The following SGMS2 variants were observed in gnomAD, a reference collection of about 807,000 sequenced individuals.
SGMS2 encodes the protein sphingomyelin synthase 2.
SGMS2 carries 21 observed loss-of-function variants against 43.8 expected under a neutral mutation model. The observed-to-expected ratio is 0.48, with a 90% CI of 0.34 to 0.69. The LOEUF (loss-of-function observed/expected upper bound fraction) is 0.69, where lower values mean the gene tolerates loss of function less well. SGMS2 is among the 30% of genes least tolerant of loss of function. The pLI is 0.01. For missense variants in SGMS2, 384 were observed against 443.2 expected (o/e 0.87, Z 1.20); for synonymous variants, 167 against 160.6 (o/e 1.04, Z -0.30).
At chr4:107,835,277 G>T (rs909615451) in intron 1 of SGMS2, among the ~76,000 whole-genome samples, 7 of 152,230 alleles carry the variant, frequency 4.6e-5, no homozygotes, top group Non-Finnish European at 1.0e-4. Flanking sequence ...GGAAGAGATT[G>T]TCTTGTGTAG....
chr4:107,859,480 G>A (rs1048144856), intron 2 of SGMS2, among the ~76,000 whole-genome samples: 1 of 152,148 alleles, frequency 6.6e-6, no homozygotes, highest in Admixed American at 6.5e-5. Context: ...TGCCTACTTT[G>A]AGCTGGCACT....
At chr4:107,828,126 A>T (rs1242669066) in intron 1 of SGMS2, among the ~76,000 whole-genome samples, 1 of 152,198 alleles carries the variant, frequency 6.6e-6, no homozygotes, top group Non-Finnish European at 1.5e-5. Flanking sequence ...TACTTATGGA[A>T]ATTTATAAGT....
In SGMS2 at chr4:107,909,026, G is replaced by C. The variant is rs115719162; in HGVS notation, c.894+295G>C. On this transcript the variant is annotated intron_variant, in intron 6 of 6. Transcript: ENST00000690982. ...AAATTTAGGAACCTTCTCTGTAAAA[G>C]CATTGTAGTGCAGCTGGGTAAGACA... 1.1e-3 allele frequency among the ~76,000 whole-genome samples: 161 copies of C among 152,094 alleles called. 2 individuals are homozygous for C. In the East Asian group the frequency reaches 0.024, roughly 23 times the overall value.
intron 1 of SGMS2, among the ~76,000 whole-genome samples, chr4:107,842,189 TA>T (rs780247487): frequency 1.3e-5 from 2 of 152,152 alleles, no homozygotes; most frequent in Non-Finnish European, 1.5e-5. Flanking sequence ...TGCATTGCCA[TA>T]AAGAAATACC....
At chr4:107,839,273 C>T (rs1315273893) in intron 1 of SGMS2, among the ~76,000 whole-genome samples, 1 of 152,140 alleles carries the variant, frequency 6.6e-6, no homozygotes, top group Middle Eastern at 3.2e-3. Context: ...GTTCTATTTG[C>T]CTGGTAATAG....
chr4:107,899,292 A>G (rs1034064073), intron 3 of SGMS2, among the ~76,000 whole-genome samples: 1 of 152,154 alleles, frequency 6.6e-6, no homozygotes, highest in Admixed American at 6.6e-5. Flanking sequence ...CGTCTACTTT[A>G]GTTCCCCCAC....
intron 2 of SGMS2, chr4:107,863,786 CAGTA>C (rs1193311427): frequency 6.6e-6 from 1 of 152,146 alleles, no homozygotes; most frequent in Admixed American, 6.5e-5. Context: ...AAGTAAACCA[CAGTA>C]AGTCAGATGA....
intron 1 of SGMS2, among the ~76,000 whole-genome samples, chr4:107,831,917 C>T (rs576295990): frequency 6.6e-6 from 1 of 152,268 alleles, no homozygotes; most frequent in African/African-American, 2.4e-5. Context: ...GGTAGTCTAG[C>T]ACAACTGGTA....
At chr4:107,855,319 T>G (rs1480245696) in intron 1 of SGMS2, among the ~76,000 whole-genome samples, 1 of 152,186 alleles carries the variant, frequency 6.6e-6, no homozygotes, top group Non-Finnish European at 1.5e-5. Flanking sequence ...GTTTTCGATG[T>G]AGGCATATGG....
At chr4:107,870,181 G>A (rs553060137) in intron 2 of SGMS2, among the ~76,000 whole-genome samples, 3 of 152,256 alleles carry the variant, frequency 2.0e-5, no homozygotes, top group Non-Finnish European at 4.4e-5. Flanking sequence ...TAGCTTTTTA[G>A]TGGATGGATT....
intron 1 of SGMS2, among the ~76,000 whole-genome samples, chr4:107,827,772 C>T (rs1194412489): frequency 6.6e-6 from 1 of 152,060 alleles, no homozygotes. Flanking sequence ...GATCACTTGA[C>T]GTCAGAAGTT....
chr4:107,843,787 T>C (rs1578514440), intron 1 of SGMS2, among the ~76,000 whole-genome samples: 1 of 152,242 alleles, frequency 6.6e-6, no homozygotes, highest in East Asian at 1.9e-4. Context: ...CATTGAATTC[T>C]AGATGTAATT....
intron 1 of SGMS2, among the ~76,000 whole-genome samples, chr4:107,840,837 T>C (rs1261147292): frequency 6.6e-6 from 1 of 152,176 alleles, no homozygotes; most frequent in East Asian, 1.9e-4. Context: ...GGAGGCCATC[T>C]TTCAGGGTTA....
intron 1 of SGMS2, among the ~76,000 whole-genome samples, chr4:107,857,379 AAG>A (rs1026535787): frequency 3.9e-4 from 60 of 152,150 alleles, no homozygotes; most frequent in East Asian, 3.9e-4. Flanking sequence ...GTATATACCT[AAG>A]AGTGACACAT....
intron 4 of SGMS2, among the ~76,000 whole-genome samples, chr4:107,901,427 T>A (rs368760744): frequency 1.3e-5 from 2 of 152,224 alleles, no homozygotes; most frequent in African/African-American, 4.8e-5. Context: ...CCTGTGTTGC[T>A]GACTCTATAG....
At position 107,849,862 on chromosome 4, in the gene SGMS2, T is replaced by C. The variant is rs113887583; in HGVS notation, c.-326-8610T>C. ...TTACAATTTAGCCAAAGTACTAAAT[T>C]TGAAATGAAAAACAAAGTGAAAAAT... On this transcript the variant is annotated intron_variant, in intron 1 of 6. Coordinates refer to ENST00000690982, the MANE Select transcript of SGMS2 (RefSeq NM_001375905.1). Among the ~76,000 whole-genome samples the C allele has an allele frequency of 5.7e-3, 866 of 152,230 alleles. 13 individuals carry two copies. The highest frequency in any genetic ancestry group is 0.02 in the African/African-American group (830 of 41,542).
chr4:107,860,179 C>T (rs972506374), intron 2 of SGMS2, among the ~76,000 whole-genome samples: 1 of 151,980 alleles, frequency 6.6e-6, no homozygotes, highest in African/African-American at 2.4e-5. Flanking sequence ...TAAAAGATAG[C>T]GTACTATATT....
chr4:107,909,010 A>T (rs1731860476), intron 6 of SGMS2, among the ~76,000 whole-genome samples: 1 of 152,238 alleles, frequency 6.6e-6, no homozygotes, highest in Admixed American at 6.5e-5. Flanking sequence ...AAAATTTAGG[A>T]ACCTTCTCTG....
chr4:107,841,874 C>T (rs1726530919), intron 1 of SGMS2, among the ~76,000 whole-genome samples: 1 of 152,022 alleles, frequency 6.6e-6, no homozygotes, highest in South Asian at 2.1e-4. Context: ...TGGTCTTGAA[C>T]TCCTGGGCTC....
Sources: gnomAD v4.1 joint callset for allele counts (sites outside exome capture counted in the v4.1 genomes callset) on GRCh38, gnomAD v4.1.1 for gene constraint, MANE v1.5 for transcripts, NCBI Gene and HGNC (gene_info 2026-07-23, HGNC 2026-07-21) for gene names.